Variants in XRCC4 observed in about 807,000 individuals in gnomAD.
XRCC4 encodes X-ray repair cross complementing 4, also known as DNA repair protein XRCC4.
Under a neutral mutation model 39.1 loss-of-function variants are expected in XRCC4, and 28 were observed. That is an observed-to-expected ratio of 0.72 (90% confidence interval 0.53 to 0.98). The LOEUF is 0.98. Among genes scored for constraint, XRCC4 ranks in the 50% least tolerant of loss-of-function variants. The probability of loss-of-function intolerance (pLI) is 0.00; values close to 1 mark genes in which losing one functional copy is unlikely to be tolerated. For missense variants in XRCC4, 350 were observed against 376.4 expected, an observed-to-expected ratio of 0.93 and a Z score of 0.58; for synonymous variants, 123 against 126.4, an observed-to-expected ratio of 0.97 and a Z score of 0.18.
At chr5:83,175,192 A>T (rs1350877803) in intron 3 of XRCC4, among the ~76,000 whole-genome samples, 1 of 152,214 alleles carries the variant, frequency 6.6e-6, no homozygotes, top group Non-Finnish European at 1.5e-5. Flanking sequence ...TAACTGACAT[A>T]ATGAATGAAA....
chr5:83,335,227 A>G (rs1756558650), intron 7 of XRCC4, among the ~76,000 whole-genome samples: 2 of 151,966 alleles, frequency 1.3e-5, no homozygotes, highest in Admixed American at 6.6e-5. Context: ...TAAAATTAAA[A>G]TATAAAACTT....
intron 3 of XRCC4, among the ~76,000 whole-genome samples, chr5:83,193,941 T>C (rs370063372): frequency 7.9e-5 from 12 of 152,236 alleles, no homozygotes; most frequent in African/African-American, 2.9e-4. Flanking sequence ...TTTGTTGTTG[T>C]TGTTGTTTTC....
chr5:83,291,665 G>GT (rs954661933), intron 7 of XRCC4, among the ~76,000 whole-genome samples: 9 of 151,664 alleles, frequency 5.9e-5, no homozygotes. Context: ...AGCTGGGCCT[G>GT]TTTTTTTCAA....
intron 7 of XRCC4, among the ~76,000 whole-genome samples, chr5:83,282,326 A>C (rs1754571975): frequency 6.6e-6 from 1 of 152,178 alleles, no homozygotes; most frequent in Non-Finnish European, 1.5e-5. Flanking sequence ...AGCAAAAAAA[A>C]AGAAGCAATG....
chr5:83,169,324 A>G (rs548427436), intron 3 of XRCC4, among the ~76,000 whole-genome samples: 2 of 152,164 alleles, frequency 1.3e-5, no homozygotes, highest in Non-Finnish European at 2.9e-5. Flanking sequence ...TTTAAAATAT[A>G]TGCTGATTGG....
chr5:83,120,625 A>G (rs1381736768), intron 3 of XRCC4, among the ~76,000 whole-genome samples: 2 of 152,210 alleles, frequency 1.3e-5, no homozygotes, highest in East Asian at 1.9e-4. Flanking sequence ...TCAGCATTTC[A>G]TTCCTTCCAT....
chr5:83,266,367 A>G (rs562081271), intron 7 of XRCC4, among the ~76,000 whole-genome samples: 3 of 151,282 alleles, frequency 2.0e-5, no homozygotes, highest in East Asian at 3.9e-4. Context: ...AGTAAAAATT[A>G]TGAAATAAAA....
In XRCC4 at chr5:83,353,399, A is replaced by T. The variant is rs1170344564; in HGVS notation, c.*157A>T. ...GAAACCATTGTGCAAAATGGATTAC[A>T]CATGTATACAAAGATACGATTTGAT... is the stretch of plus-strand genomic sequence containing the variant. On this transcript the variant is annotated 3_prime_UTR_variant, in exon 8 of 8. Transcript: ENST00000396027. 3.6e-6 allele frequency: 2 copies of T among 559,618 alleles called. No individual in the cohort carries two copies. The highest frequency in any genetic ancestry group is 6.3e-6 in the Non-Finnish European group (2 of 318,306). 34.7% of individuals were successfully genotyped at this position (559,618 alleles called of 1,614,324 possible).
At chr5:83,092,883 GA>G (rs1475297126) in intron 1 of XRCC4, among the ~76,000 whole-genome samples, 3 of 151,852 alleles carry the variant, frequency 2.0e-5, no homozygotes, top group Non-Finnish European at 4.4e-5. Context: ...ATATCTTCAA[GA>G]AAAAAAGACC....
chr5:83,153,689 T>A (rs1748826168), intron 3 of XRCC4, among the ~76,000 whole-genome samples: 1 of 152,188 alleles, frequency 6.6e-6, no homozygotes, highest in African/African-American at 2.4e-5. Context: ...CTGGTTAGAA[T>A]GTAAATTTTT....
intron 7 of XRCC4, among the ~76,000 whole-genome samples, chr5:83,261,416 G>A (rs994488085): frequency 4.0e-5 from 6 of 151,792 alleles, no homozygotes; most frequent in Non-Finnish European, 5.9e-5. Flanking sequence ...TGCTACTTAC[G>A]GGTGAAAATA....
At chr5:83,192,306 A>AATATATAT (rs1032293813) in intron 3 of XRCC4, among the ~76,000 whole-genome samples, 32 of 104,102 alleles carry the variant, frequency 3.1e-4, no homozygotes, top group African/African-American at 1.2e-3. Flanking sequence ...ACGTATATAT[A>AATATATAT]ATATATATAT....
At chr5:83,310,656 CT>C in intron 7 of XRCC4, 1 of 391,084 alleles carries the variant, frequency 2.6e-6, no homozygotes. Flanking sequence ...GAGTGACTCC[CT>C]AGAATCTGTG....
chr5:83,367,469 A>C, the XRCC4 span, among the ~76,000 whole-genome samples: 1 of 152,162 alleles, frequency 6.6e-6, no homozygotes, highest in Non-Finnish European at 1.5e-5. Context: ...TCAGCCAGCC[A>C]TCTGGCTCAG....
chr5:83,192,390 C>T (rs1750749899), intron 3 of XRCC4, among the ~76,000 whole-genome samples: 1 of 150,750 alleles, frequency 6.6e-6, no homozygotes, highest in Non-Finnish European at 1.5e-5. Flanking sequence ...TTACTGCAAC[C>T]TCTGCCTCTT....
intron 7 of XRCC4, among the ~76,000 whole-genome samples, chr5:83,281,033 G>A (rs1179610523): frequency 6.6e-6 from 1 of 152,140 alleles, no homozygotes; most frequent in East Asian, 1.9e-4. Flanking sequence ...AACATCCCCT[G>A]TATCTTAAGA....
intron 7 of XRCC4, chr5:83,310,653 T>C (rs946339561): frequency 2.1e-5 from 8 of 377,086 alleles, no homozygotes; most frequent in Non-Finnish European, 3.7e-5. Flanking sequence ...CAGGAGTGAC[T>C]CCCTAGAATC....
intron 3 of XRCC4, 41 bp from the exon 4 acceptor site, chr5:83,195,729 G>C (rs1240496314): frequency 1.3e-6 from 2 of 1,508,224 alleles, no homozygotes; most frequent in Non-Finnish European, 1.8e-6. Context: ...TCTCAATCTT[G>C]ATATTTTCCC....
chr5:83,331,824 A>T (rs373547762), intron 7 of XRCC4, among the ~76,000 whole-genome samples: 4 of 152,276 alleles, frequency 2.6e-5, no homozygotes, highest in East Asian at 1.9e-4. Context: ...TTGACTGAAA[A>T]AATAAAATAA....
Sources: allele counts gnomAD v4.1 joint callset (sites outside exome capture counted in the v4.1 genomes callset), GRCh38; gene constraint gnomAD v4.1.1; transcripts MANE v1.5; gene names NCBI Gene and HGNC (gene_info 2026-07-23, HGNC 2026-07-21).